CLSTN2: variants seen among roughly 807,000 people sequenced by gnomAD.
The protein encoded by CLSTN2 is calsyntenin 2.
Under a neutral mutation model 101.2 loss-of-function variants are expected in CLSTN2, and 48 were observed. That is an observed-to-expected ratio of 0.47 (90% CI 0.38 to 0.60). The LOEUF (loss-of-function observed/expected upper bound fraction) is 0.60. Among genes scored for constraint, CLSTN2 ranks in the 20% least tolerant of loss-of-function variants. CLSTN2 has a pLI of 0.00. For synonymous variants in CLSTN2, 481 were observed against 463.6 expected (o/e 1.04, Z -0.48); for missense variants, 1,160 against 1,238.2 (o/e 0.94, Z 0.95).
intron 2 of CLSTN2, among the ~76,000 whole-genome samples, chr3:140,395,985 T>G (rs1402877053): frequency 6.6e-6 from 1 of 152,220 alleles, no homozygotes; most frequent in Non-Finnish European, 1.5e-5. Context: ...GGCAGAGACT[T>G]GGCCAGGTGT....
chr3:140,153,168 A>G (rs1576447442), intron 1 of CLSTN2, among the ~76,000 whole-genome samples: 1 of 152,216 alleles, frequency 6.6e-6, no homozygotes, highest in African/African-American at 2.4e-5. Context: ...TGTCCCCTGC[A>G]CAGCCTCTCT....
At chr3:140,457,836 G>A (rs751197106) in intron 6 of CLSTN2, among the ~76,000 whole-genome samples, 13 of 152,152 alleles carry the variant, frequency 8.5e-5, no homozygotes, top group African/African-American at 2.9e-4. Context: ...AAATGATGCC[G>A]TCAACTCTGC....
chr3:140,275,122 G>A (rs558742545), intron 2 of CLSTN2, among the ~76,000 whole-genome samples: 7 of 152,230 alleles, frequency 4.6e-5, no homozygotes, highest in South Asian at 2.1e-4. Flanking sequence ...GCCTCAGATC[G>A]GGGCAACTCC....
chr3:140,059,020 G>A (rs1220862218), intron 1 of CLSTN2, among the ~76,000 whole-genome samples: 2 of 150,306 alleles, frequency 1.3e-5, no homozygotes, highest in African/African-American at 2.4e-5. Flanking sequence ...GCAGAAGTTA[G>A]GCATGTAAAG....
At chr3:139,981,567 TC>T in intron 1 of CLSTN2, among the ~76,000 whole-genome samples, 1 of 152,348 alleles carries the variant, frequency 6.6e-6, no homozygotes, top group Non-Finnish European at 1.5e-5. Flanking sequence ...AGTTCAATTT[TC>T]TGGCTCTATC....
At chr3:140,274,577 G>A (rs1184780130) in intron 2 of CLSTN2, among the ~76,000 whole-genome samples, 2 of 152,150 alleles carry the variant, frequency 1.3e-5, no homozygotes, top group Non-Finnish European at 2.9e-5. Context: ...TTGAGACAGG[G>A]CAGGTCATCA....
intron 1 of CLSTN2, among the ~76,000 whole-genome samples, chr3:140,014,604 G>A (rs1341086775): frequency 6.6e-6 from 1 of 152,110 alleles, no homozygotes; most frequent in South Asian, 2.1e-4. Flanking sequence ...GTGGGCCAAG[G>A]GTGTGAGGGA....
chr3:139,976,409 C>T (rs1935818979), intron 1 of CLSTN2, among the ~76,000 whole-genome samples: 1 of 152,246 alleles, frequency 6.6e-6, no homozygotes, highest in Admixed American at 6.5e-5. Context: ...GAGCCAGGTG[C>T]TCTGCATATG....
chr3:140,225,599 G>GATTC (rs2086311687), intron 2 of CLSTN2, among the ~76,000 whole-genome samples: 15 of 152,190 alleles, frequency 9.9e-5, no homozygotes, highest in Admixed American at 6.5e-4. Flanking sequence ...CCGGGTTCAA[G>GATTC]TGATTCTTCT....
chr3:140,010,145 T>C (rs1238669227), intron 1 of CLSTN2, among the ~76,000 whole-genome samples: 2 of 152,224 alleles, frequency 1.3e-5, no homozygotes, highest in African/African-American at 2.4e-5. Context: ...GCATGGTATT[T>C]GGCCCGTAAA....
chr3:140,085,267 A>G (rs2008663146), intron 1 of CLSTN2, among the ~76,000 whole-genome samples: 1 of 152,242 alleles, frequency 6.6e-6, no homozygotes, highest in African/African-American at 2.4e-5. Context: ...GGTGGGCTAG[A>G]GAACGTGTTC....
intron 1 of CLSTN2, among the ~76,000 whole-genome samples, chr3:140,077,097 G>C (rs1401354766): frequency 2.0e-5 from 3 of 152,296 alleles, no homozygotes; most frequent in Non-Finnish European, 2.9e-5. Flanking sequence ...TTCTCTCAAT[G>C]AAATGGAAAG....
intron 2 of CLSTN2, among the ~76,000 whole-genome samples, chr3:140,307,049 C>T (rs1003538298): frequency 1.3e-5 from 2 of 151,894 alleles, no homozygotes; most frequent in South Asian, 4.2e-4. Context: ...GAATAAGTCT[C>T]ATGAGATCTG....
At chr3:139,992,903 A>G (rs1560064117) in intron 1 of CLSTN2, among the ~76,000 whole-genome samples, 1 of 152,164 alleles carries the variant, frequency 6.6e-6, no homozygotes, top group South Asian at 2.1e-4. Flanking sequence ...ACCAGACTAC[A>G]CTTAAGAGTG....
chr3:140,322,760 A>G (rs2087296279), intron 2 of CLSTN2, among the ~76,000 whole-genome samples: 1 of 152,224 alleles, frequency 6.6e-6, no homozygotes, highest in Non-Finnish European at 1.5e-5. Context: ...AAAGCCTCTG[A>G]GGGATTTCTG....
intron 2 of CLSTN2, among the ~76,000 whole-genome samples, chr3:140,182,511 A>G (rs1197892402): frequency 6.6e-6 from 1 of 152,146 alleles, no homozygotes; most frequent in African/African-American, 2.4e-5. Context: ...ACCTCGCAGC[A>G]GAGATGCCAT....
intron 8 of CLSTN2, among the ~76,000 whole-genome samples, chr3:140,515,545 A>G (rs909487959): frequency 8.5e-5 from 13 of 152,104 alleles, no homozygotes; most frequent in African/African-American, 2.7e-4. Flanking sequence ...TGCTGTATCC[A>G]AGAGGTTTCG....
chr3:140,479,049 C>G (rs1248735385), intron 8 of CLSTN2, among the ~76,000 whole-genome samples: 1 of 152,026 alleles, frequency 6.6e-6, no homozygotes, highest in East Asian at 1.9e-4. Context: ...CCCTCAAATC[C>G]CTGAGTATTC....
chr3:140,113,155 G>A (rs933773950), intron 1 of CLSTN2, among the ~76,000 whole-genome samples: 4 of 152,084 alleles, frequency 2.6e-5, no homozygotes, highest in Admixed American at 2.0e-4. Flanking sequence ...CATGGAAATC[G>A]GCAAACACTA....
Sources: gnomAD v4.1 joint callset for allele counts (sites outside exome capture counted in the v4.1 genomes callset) on GRCh38, gnomAD v4.1.1 for gene constraint, MANE v1.5 for transcripts, NCBI Gene and HGNC (gene_info 2026-07-23, HGNC 2026-07-21) for gene names.